The following ERC1 variants were observed in gnomAD, a reference collection of about 807,000 sequenced individuals.
The protein encoded by ERC1 is ELKS/RAB6-interacting/CAST family member 1, also known as RAB6 interacting protein 2.
Under a neutral mutation model 132.0 loss-of-function variants are expected in ERC1, and 56 were observed. The ratio of observed to expected loss-of-function variants is 0.42; its 90% CI spans 0.34 to 0.53. ERC1 has a LOEUF of 0.53. Among genes scored for constraint, ERC1 ranks in the 20% least tolerant of loss-of-function variants. ERC1 has a pLI of 0.03. For synonymous variants in ERC1, 478 were observed against 476.1 expected, an observed-to-expected ratio of 1.00 and a Z score of -0.05; for missense variants, 1,202 against 1,349.9, an observed-to-expected ratio of 0.89 and a Z score of 1.72.
At chr12:1,174,171 A>T (rs1326418381) in intron 8 of ERC1, among the ~76,000 whole-genome samples, 1 of 151,772 alleles carries the variant, frequency 6.6e-6, no homozygotes, top group Non-Finnish European at 1.5e-5. Flanking sequence ...CGACACACCC[A>T]CCTCCCACCC....
chr12:1,253,609 G>T (rs1489238712), intron 13 of ERC1, among the ~76,000 whole-genome samples: 1 of 152,134 alleles, frequency 6.6e-6, no homozygotes, highest in Non-Finnish European at 1.5e-5. Context: ...CCAGGAGGTG[G>T]AGGTTGTGGT....
chr12:1,356,199 C>CAA (rs559125501), intron 15 of ERC1, among the ~76,000 whole-genome samples: 11 of 110,586 alleles, frequency 9.9e-5, no homozygotes, highest in Admixed American at 4.0e-4. Context: ...GTGAGACTGT[C>CAA]AAAAAAAAAA....
At position 1,040,860 on chromosome 12, in the gene ERC1, G is replaced by A. The variant is rs977982795; in HGVS notation, c.669+12288G>A. Among the ~76,000 whole-genome samples, 4 of 152,142 alleles carry A rather than the reference G, an allele frequency of 2.6e-5. No individual in the cohort carries two copies. In the East Asian group the frequency reaches 5.8e-4, roughly 22 times the overall value. Reference sequence around the variant, plus strand: ...TGTACACAGTGTACCATCTCTTACCGGTGGCTGGTAGCTTATGTACTTTCA... The same window carrying A: ...TGTACACAGTGTACCATCTCTTACCAGTGGCTGGTAGCTTATGTACTTTCA... On this transcript the variant is annotated intron_variant, in intron 2 of 18. Transcript: ENST00000360905.
At chr12:1,270,995 T>G (rs554656302) in intron 14 of ERC1, among the ~76,000 whole-genome samples, 4 of 152,296 alleles carry the variant, frequency 2.6e-5, no homozygotes, top group African/African-American at 9.6e-5. Context: ...TATTGGATAC[T>G]TCCTTTTCTT....
chr12:1,394,791 A>C (rs2090394121), intron 16 of ERC1, among the ~76,000 whole-genome samples: 2 of 152,194 alleles, frequency 1.3e-5, no homozygotes, highest in Admixed American at 1.3e-4. Flanking sequence ...GGACTGAGTC[A>C]ATTGAACCAA....
At chr12:1,137,389 G>A (rs775020200) in intron 7 of ERC1, among the ~76,000 whole-genome samples, 12 of 151,300 alleles carry the variant, frequency 7.9e-5, no homozygotes, top group African/African-American at 2.2e-4. Context: ...GAGCCACCAC[G>A]CCCGGCCATA....
chr12:1,140,885 C>G (rs1470834569), intron 7 of ERC1, among the ~76,000 whole-genome samples: 1 of 151,884 alleles, frequency 6.6e-6, no homozygotes, highest in Non-Finnish European at 1.5e-5. Flanking sequence ...TTTGAAATGA[C>G]AATGAAAAAA....
chr12:1,042,439 G>A (rs61918703), intron 2 of ERC1, among the ~76,000 whole-genome samples: 26,383 of 144,760 alleles, frequency 0.18, 2,425 homozygotes, highest in Middle Eastern at 0.21. Flanking sequence ...TCCACCTCCC[G>A]GGTTCAACCG....
chr12:1,304,011 A>AT (rs990526607), intron 15 of ERC1, among the ~76,000 whole-genome samples: 23 of 151,062 alleles, frequency 1.5e-4, no homozygotes, highest in Middle Eastern at 3.4e-3. Context: ...ATATATCTAG[A>AT]TTTTTTTTTC....
At position 1,352,725 on chromosome 12, in the gene ERC1, A is replaced by G. The variant is rs181499757; in HGVS notation, c.2781-19108A>G. 2.6e-5 allele frequency among the ~76,000 whole-genome samples: 4 copies of G among 152,336 alleles called. 1 individual carries two copies. The highest frequency in any genetic ancestry group is 2.6e-4 in the Admixed American group (4 of 15,296). On this transcript the variant is annotated intron_variant, in intron 15 of 18. Coordinates refer to ENST00000360905, the MANE Select transcript of ERC1 (RefSeq NM_178040.4). ...ATAGTGGTCGCAGACATTTGAGAGA[A>G]TGAAAATCATGTGTTTAATGAGAGA...
chr12:1,147,656 T>G (rs1950503068), intron 8 of ERC1, among the ~76,000 whole-genome samples: 1 of 152,196 alleles, frequency 6.6e-6, no homozygotes, highest in African/African-American at 2.4e-5. Context: ...ATTAAACTTT[T>G]CTTTAAGTGT....
At chr12:1,140,288 C>T (rs756316043) in intron 7 of ERC1, among the ~76,000 whole-genome samples, 24 of 152,192 alleles carry the variant, frequency 1.6e-4, no homozygotes, top group African/African-American at 3.4e-4. Flanking sequence ...GAAGTACCAC[C>T]GCACACACAG....
chr12:1,290,646 A>C (rs1268789113), intron 15 of ERC1, among the ~76,000 whole-genome samples: 1 of 152,194 alleles, frequency 6.6e-6, no homozygotes, highest in African/African-American at 2.4e-5. Flanking sequence ...TAAAACAAAC[A>C]TGTGTCTTTT....
At chr12:1,235,754 G>T (rs895741240) in intron 12 of ERC1, among the ~76,000 whole-genome samples, 2 of 152,118 alleles carry the variant, frequency 1.3e-5, no homozygotes, top group African/African-American at 4.8e-5. Flanking sequence ...AATTAATATA[G>T]CTTCTTGGAA....
At chr12:1,000,957 C>T (rs111671329) in intron 1 of ERC1, among the ~76,000 whole-genome samples, 1 of 152,100 alleles carries the variant, frequency 6.6e-6, no homozygotes, top group African/African-American at 2.4e-5. Context: ...TTTGCCCAGA[C>T]TGGAGTGCAG....
intron 1 of ERC1, among the ~76,000 whole-genome samples, chr12:1,027,215 T>G (rs1228054929): frequency 6.6e-6 from 1 of 152,254 alleles, no homozygotes; most frequent in Non-Finnish European, 1.5e-5. Flanking sequence ...ACTACTGATG[T>G]ATACATTGAT....
intron 2 of ERC1, among the ~76,000 whole-genome samples, chr12:1,040,431 C>T (rs544448239): frequency 3.7e-4 from 56 of 151,694 alleles, no homozygotes; most frequent in Admixed American, 1.5e-3. Flanking sequence ...CTCAGCCTCC[C>T]GAGTAGCTGA....
intron 4 of ERC1, among the ~76,000 whole-genome samples, chr12:1,107,039 G>A (rs1945337947): frequency 6.6e-6 from 1 of 152,138 alleles, no homozygotes; most frequent in African/African-American, 2.4e-5. Flanking sequence ...TGAAGTAAAA[G>A]AGCCCAGTAA....
At chr12:1,342,926 T>C (rs192462457) in intron 15 of ERC1, among the ~76,000 whole-genome samples, 2 of 152,320 alleles carry the variant, frequency 1.3e-5, no homozygotes, top group Admixed American at 1.3e-4. Context: ...ATTACATGAA[T>C]GCAGACAGTA....
Sources: allele counts gnomAD v4.1 joint callset (sites outside exome capture counted in the v4.1 genomes callset), GRCh38; gene constraint gnomAD v4.1.1; transcripts MANE v1.5; gene names NCBI Gene and HGNC (gene_info 2026-07-23, HGNC 2026-07-21).